INSYN2B: variants seen among roughly 807,000 people sequenced by gnomAD.
INSYN2B encodes the protein protein INSYN2B.
In INSYN2B, 16 loss-of-function variants were observed where a neutral mutation model predicts 41.2. That is an observed-to-expected ratio of 0.39 (90% confidence interval 0.26 to 0.59). The LOEUF is 0.59. Among genes scored for constraint, INSYN2B ranks in the 20% least tolerant of loss-of-function variants. The pLI, the probability that INSYN2B is intolerant of heterozygous loss-of-function variation, is 0.57. For missense variants in INSYN2B, 608 were observed against 646.4 expected, an observed-to-expected ratio of 0.94 and a Z score of 0.64; for synonymous variants, 245 against 244.4, an observed-to-expected ratio of 1.00 and a Z score of -0.02.
intron 1 of INSYN2B, among the ~76,000 whole-genome samples, chr5:169,951,681 T>A (rs551235882): frequency 6.6e-6 from 1 of 152,380 alleles, no homozygotes; most frequent in Admixed American, 6.5e-5. Flanking sequence ...AATAATGGTA[T>A]AATTTTGAGC....
In INSYN2B at chr5:169,882,846, G is replaced by A; in HGVS notation, c.1053C>T (p.Ala351=). Residue 351 remains alanine (A), a synonymous_variant, in exon 2 of 4, where the codon GCC becomes GCT. Transcript: ENST00000377365. ...TTGCCGTCTGCTCCTGACACCCAGG[G>A]GCAGATTTCGATGCACTGTTAGTTT... is the stretch of plus-strand genomic sequence containing the variant. ...SLKTNSASKS[A]PGCQEQTANN... is the part of the protein sequence containing the mutation. 6.4e-7 allele frequency: 1 copy of A among 1,550,994 alleles called. No homozygotes were observed. The highest frequency in any genetic ancestry group is 1.2e-5 in the South Asian group (1 of 84,034).
intron 1 of INSYN2B, among the ~76,000 whole-genome samples, chr5:169,912,621 ATGTG>A (rs59287791): frequency 6.6e-6 from 1 of 150,422 alleles, no homozygotes; most frequent in Admixed American, 6.6e-5. Flanking sequence ...GGTGGAGTGT[ATGTG>A]TGTGTGTGTG....
At chr5:169,925,301 C>T (rs1342654813) in intron 1 of INSYN2B, among the ~76,000 whole-genome samples, 1 of 152,098 alleles carries the variant, frequency 6.6e-6, no homozygotes, top group African/African-American at 2.4e-5. Flanking sequence ...CAGGTAAGAC[C>T]CTAGGACAGA....
rs1440221289 is a variant in INSYN2B at position 169,884,426 on chromosome 5, A to G, written c.-528T>C. On this transcript the variant is annotated 5_prime_UTR_variant, in exon 2 of 4. Coordinates refer to ENST00000377365, the MANE Select transcript of INSYN2B (RefSeq NM_001129891.3). ...AAACTTAAATGCATCTTCTTTCCAT[A>G]GCAGGTAAACAGGTGGAGAAATAAA... is the stretch of plus-strand genomic sequence containing the variant. 6.6e-6 allele frequency: 1 copy of G among 152,366 alleles called. No homozygotes were observed. Among genetic ancestry groups the G allele is most frequent in the African/African-American group, 2.4e-5 (1 of 41,458 alleles). The allele number at this position is 152,366 out of a possible 1,614,324, so 9.4% of individuals were successfully genotyped here. A position where few individuals can be genotyped will look rare whatever the true frequency, so the allele number is the denominator to read the frequency against.
intron 1 of INSYN2B, among the ~76,000 whole-genome samples, chr5:169,887,039 G>A (rs963574883): frequency 3.3e-5 from 5 of 152,230 alleles, no homozygotes; most frequent in African/African-American, 1.2e-4. Context: ...TTTATACCAA[G>A]TTATTCACAC....
chr5:169,938,509 G>A (rs1443198845), intron 1 of INSYN2B, among the ~76,000 whole-genome samples: 1 of 152,134 alleles, frequency 6.6e-6, no homozygotes, highest in Admixed American at 6.5e-5. Context: ...AATGTAATGT[G>A]TTTTTCTAAA....
intron 3 of INSYN2B, among the ~76,000 whole-genome samples, chr5:169,864,872 G>A (rs1771444625): frequency 6.6e-6 from 1 of 152,174 alleles, no homozygotes. Flanking sequence ...TAAAATGGGG[G>A]TAATAAGAGC....
At chr5:169,913,782 A>T (rs1260041865) in intron 1 of INSYN2B, among the ~76,000 whole-genome samples, 1 of 152,190 alleles carries the variant, frequency 6.6e-6, no homozygotes. Context: ...CTTATTTTTG[A>T]TCAATGAGGA....
At chr5:169,935,266 T>G (rs1456116253) in intron 1 of INSYN2B, among the ~76,000 whole-genome samples, 3 of 152,142 alleles carry the variant, frequency 2.0e-5, no homozygotes, top group African/African-American at 7.2e-5. Context: ...TCCTCTCTTT[T>G]GTACATTATC....
chr5:169,962,848 G>A (rs1044196313), intron 1 of INSYN2B, among the ~76,000 whole-genome samples: 1 of 152,116 alleles, frequency 6.6e-6, no homozygotes, highest in Non-Finnish European at 1.5e-5. Context: ...GCCAGACTGG[G>A]GATGAGGCAG....
chr5:169,938,149 G>T (rs988898289), intron 1 of INSYN2B, among the ~76,000 whole-genome samples: 3 of 152,092 alleles, frequency 2.0e-5, no homozygotes, highest in South Asian at 2.1e-4. Context: ...CCTCTCTAAA[G>T]CTTGCAGTCT....
At chr5:169,887,033 T>C (rs1773013313) in intron 1 of INSYN2B, among the ~76,000 whole-genome samples, 1 of 152,226 alleles carries the variant, frequency 6.6e-6, no homozygotes, top group African/African-American at 2.4e-5. Context: ...AATATATTTA[T>C]ACCAAGTTAT....
chr5:169,889,807 T>C (rs1773180764), intron 1 of INSYN2B, among the ~76,000 whole-genome samples: 1 of 152,232 alleles, frequency 6.6e-6, no homozygotes, highest in South Asian at 2.1e-4. Context: ...ACTGAATGGA[T>C]TTGGCCTGGG....
intron 3 of INSYN2B, among the ~76,000 whole-genome samples, chr5:169,873,820 C>T (rs1772134555): frequency 6.6e-6 from 1 of 152,182 alleles, no homozygotes; most frequent in Admixed American, 6.5e-5. Context: ...ACTCTCAGAC[C>T]TCCAACCGTG....
chr5:169,870,425 C>T (rs771408287), intron 3 of INSYN2B, among the ~76,000 whole-genome samples: 6 of 152,030 alleles, frequency 3.9e-5, no homozygotes, highest in South Asian at 4.1e-4. Context: ...AACAACAGAG[C>T]GAGGTTCTGG....
At chr5:169,962,562 G>C (rs111994398) in intron 1 of INSYN2B, among the ~76,000 whole-genome samples, 11 of 152,300 alleles carry the variant, frequency 7.2e-5, no homozygotes, top group African/African-American at 2.6e-4. Flanking sequence ...TCTATCACTA[G>C]ATCTGCAAAT....
intron 3 of INSYN2B, among the ~76,000 whole-genome samples, chr5:169,865,521 G>T (rs572293504): frequency 6.6e-6 from 1 of 152,170 alleles, no homozygotes; most frequent in Non-Finnish European, 1.5e-5. Context: ...GCTGAGCACG[G>T]GTTCCCTCTG....
At chr5:169,955,102 C>A (rs1776809547) in intron 1 of INSYN2B, among the ~76,000 whole-genome samples, 1 of 152,200 alleles carries the variant, frequency 6.6e-6, no homozygotes, top group African/African-American at 2.4e-5. Context: ...AGCAAGGCAA[C>A]CCCATAACCT....
In INSYN2B at chr5:169,960,728, C is replaced by T. The variant is rs181621630; in HGVS notation, c.-919+19549G>A. On this transcript the variant is annotated intron_variant, in intron 1 of 3. Coordinates refer to ENST00000377365, the MANE Select transcript of INSYN2B (RefSeq NM_001129891.3). ...TGGTTTTACTTTCCATGGTTTGTTA[C>T]TTGCAGTTAATTGTGGTCCAAAAAT... Among the ~76,000 whole-genome samples, 77 of 152,276 alleles carry T rather than the reference C, an allele frequency of 5.1e-4. 1 individual carries two copies. The highest frequency in any genetic ancestry group is 9.6e-4 in the Non-Finnish European group (65 of 68,018).
Sources: allele counts gnomAD v4.1 joint callset (sites outside exome capture counted in the v4.1 genomes callset), GRCh38; gene constraint gnomAD v4.1.1; transcripts MANE v1.5; gene names NCBI Gene and HGNC (gene_info 2026-07-23, HGNC 2026-07-21).